The following ADARB2 variants were observed in gnomAD, a reference collection of about 807,000 sequenced individuals.
ADARB2 encodes inactive double-stranded RNA-specific editase B2.
ADARB2 carries 25 observed loss-of-function variants against 62.2 expected under a neutral mutation model. The ratio of observed to expected loss-of-function variants is 0.40; its 90% CI spans 0.29 to 0.56. ADARB2 has a LOEUF of 0.56. Ranked by LOEUF, ADARB2 falls within the 20% of genes least tolerant of loss-of-function variation. The pLI is 0.43. For synonymous variants in ADARB2, 572 were observed against 500.8 expected (o/e 1.14, Z -1.90); for missense variants, 1,071 against 1,077.4 (o/e 0.99, Z 0.08).
At chr10:1,697,020 GTGTGGCCCAAGACAGTTCTTCTTCTGA>G (rs1834755576) in intron 1 of ADARB2, among the ~76,000 whole-genome samples, 1 of 151,610 alleles carries the variant, frequency 6.6e-6, no homozygotes, top group African/African-American at 2.4e-5. Flanking sequence ...TGTATTTTAT[GTGTGGCCCAAGACAGTTCTTCTTCTGA>G]TGTGGCCCAG....
At chr10:1,349,707 G>T (rs775566038) in intron 3 of ADARB2, among the ~76,000 whole-genome samples, 30 of 152,086 alleles carry the variant, frequency 2.0e-4, no homozygotes, top group Non-Finnish European at 3.1e-4. Flanking sequence ...AGAGACAAAG[G>T]AGACACATTT....
chr10:1,579,646 A>G (rs989052682), intron 1 of ADARB2, among the ~76,000 whole-genome samples: 4 of 152,256 alleles, frequency 2.6e-5, no homozygotes, highest in African/African-American at 9.6e-5. Flanking sequence ...CCTAAAAAAT[A>G]AAATAAAGAC....
chr10:1,349,930 C>A (rs1253332592), intron 3 of ADARB2, among the ~76,000 whole-genome samples: 1 of 152,116 alleles, frequency 6.6e-6, no homozygotes, highest in African/African-American at 2.4e-5. Flanking sequence ...TCCCCACAAC[C>A]AATTCTCCAT....
At chr10:1,316,229 C>G (rs967099691) in intron 3 of ADARB2, among the ~76,000 whole-genome samples, 2 of 152,214 alleles carry the variant, frequency 1.3e-5, no homozygotes, top group African/African-American at 4.8e-5. Context: ...GAGTCAGCTC[C>G]CACATCCCTG....
At chr10:1,629,809 T>C (rs1157064498) in intron 1 of ADARB2, among the ~76,000 whole-genome samples, 1 of 152,058 alleles carries the variant, frequency 6.6e-6, no homozygotes, top group Non-Finnish European at 1.5e-5. Context: ...ACAACAGCCT[T>C]GCACATGCCA....
chr10:1,551,068 T>A (rs138003728), intron 1 of ADARB2, among the ~76,000 whole-genome samples: 2 of 152,136 alleles, frequency 1.3e-5, no homozygotes, highest in East Asian at 3.9e-4. Context: ...ACAGAGCTGA[T>A]GAAGATAAAT....
intron 1 of ADARB2, among the ~76,000 whole-genome samples, chr10:1,671,574 A>T (rs1331700693): frequency 6.6e-6 from 1 of 152,112 alleles, no homozygotes; most frequent in Non-Finnish European, 1.5e-5. Context: ...TTGCCCATGG[A>T]GGTGGCATCT....
At chr10:1,310,548 T>C (rs922207907) in intron 3 of ADARB2, among the ~76,000 whole-genome samples, 2 of 152,242 alleles carry the variant, frequency 1.3e-5, no homozygotes, top group African/African-American at 4.8e-5. Flanking sequence ...CAAATTATTT[T>C]ACTAATTTAC....
intron 1 of ADARB2, among the ~76,000 whole-genome samples, chr10:1,596,688 C>A (rs990454603): frequency 6.6e-6 from 1 of 152,134 alleles, no homozygotes; most frequent in African/African-American, 2.4e-5. Context: ...ATGAGGGAAT[C>A]GGTGTCACCC....
intron 1 of ADARB2, among the ~76,000 whole-genome samples, chr10:1,624,089 C>A (rs1365382378): frequency 6.6e-6 from 1 of 151,954 alleles, no homozygotes; most frequent in Non-Finnish European, 1.5e-5. Flanking sequence ...GAAAAATTAG[C>A]CTGGCATGGT....
chr10:1,253,247 T>C (rs1831051456), intron 4 of ADARB2, among the ~76,000 whole-genome samples: 1 of 152,368 alleles, frequency 6.6e-6, no homozygotes, highest in South Asian at 2.1e-4. Flanking sequence ...TGTTTTTCCA[T>C]CTGCAACCAG....
intron 1 of ADARB2, among the ~76,000 whole-genome samples, chr10:1,572,474 A>G (rs1216114876): frequency 6.6e-6 from 1 of 152,130 alleles, no homozygotes; most frequent in African/African-American, 2.4e-5. Context: ...TTTCTCGTCC[A>G]TCTGAATGAC....
intron 1 of ADARB2, among the ~76,000 whole-genome samples, chr10:1,522,198 T>C (rs1187793999): frequency 2.0e-5 from 3 of 152,202 alleles, no homozygotes; most frequent in African/African-American, 7.2e-5. Flanking sequence ...CTAAAATACA[T>C]GGCTACCTCT....
rs139858789 is a variant in ADARB2 at position 1,678,366 on chromosome 10, G to A, written c.100+58685C>T. The stretch of plus-strand genomic sequence containing the variant: ...GAGGGACCTCGGAGTGAGTGACCTC[G>A]GGGTGAGCATCCTCGGGCTGAGTGT... On this transcript the variant is annotated intron_variant, in intron 1 of 9. Transcript: ENST00000381312. The A allele has an allele frequency of 7.0e-3, 6,897 of 984,012 alleles. 41 individuals carry two copies. Among genetic ancestry groups the A allele is most frequent in the Non-Finnish European group, 7.7e-3 (6,371 of 828,820 alleles). 61.0% of individuals were successfully genotyped at this position (984,012 alleles called of 1,614,324 possible). A position where few individuals can be genotyped will look rare whatever the true frequency, so the allele number is the denominator to read the frequency against.
At chr10:1,327,970 GCGCC>G (rs1197386882) in intron 3 of ADARB2, among the ~76,000 whole-genome samples, 3 of 84,428 alleles carry the variant, frequency 3.6e-5, no homozygotes, top group Non-Finnish European at 5.6e-5. Flanking sequence ...CCAGTACTCA[GCGCC>G]TCCTCACAGC....
At chr10:1,448,971 A>C (rs2131900281) in intron 1 of ADARB2, among the ~76,000 whole-genome samples, 1 of 152,242 alleles carries the variant, frequency 6.6e-6, no homozygotes, top group South Asian at 2.1e-4. Flanking sequence ...CAGGACACAC[A>C]TGCAGCCTGA....
At chr10:1,194,921 T>C (rs1263530798) in intron 8 of ADARB2, among the ~76,000 whole-genome samples, 6 of 152,350 alleles carry the variant, frequency 3.9e-5, no homozygotes. Context: ...TGCTTGTTTT[T>C]TGTGTGTGGC....
intron 1 of ADARB2, among the ~76,000 whole-genome samples, chr10:1,693,629 T>C (rs1446991221): frequency 6.6e-6 from 1 of 152,180 alleles, no homozygotes; most frequent in African/African-American, 2.4e-5. Context: ...ATACTGAAAT[T>C]CATTCATTCT....
intron 1 of ADARB2, among the ~76,000 whole-genome samples, chr10:1,613,852 G>A (rs1588323986): frequency 6.6e-6 from 1 of 152,332 alleles, no homozygotes. Flanking sequence ...AAATGTGCGC[G>A]GGAAGCACGG....
Sources: allele counts gnomAD v4.1 joint callset (sites outside exome capture counted in the v4.1 genomes callset), GRCh38; gene constraint gnomAD v4.1.1; transcripts MANE v1.5; gene names NCBI Gene and HGNC (gene_info 2026-07-23, HGNC 2026-07-21).